The following IQCM variants were observed in gnomAD, a reference collection of about 807,000 sequenced individuals.
IQCM encodes IQ motif containing M, also known as IQ domain-containing protein M.
Under a neutral mutation model 57.6 loss-of-function variants are expected in IQCM, and 45 were observed. That is an observed-to-expected ratio of 0.78 (90% CI 0.62 to 1.00). The LOEUF (loss-of-function observed/expected upper bound fraction) is 1.00. Among genes scored for constraint, IQCM ranks in the 50% least tolerant of loss-of-function variants. The pLI, the probability that IQCM is intolerant of heterozygous loss-of-function variation, is 0.00. For synonymous variants in IQCM, 148 were observed against 158.9 expected, an observed-to-expected ratio of 0.93 and a Z score of 0.51; for missense variants, 468 against 511.6, an observed-to-expected ratio of 0.91 and a Z score of 0.82.
chr4:149,647,974 C>T (rs1758794271), intron 7 of IQCM, among the ~76,000 whole-genome samples: 1 of 152,122 alleles, frequency 6.6e-6, no homozygotes, highest in Non-Finnish European at 1.5e-5. Flanking sequence ...CTGGATAATT[C>T]ATTCCACTAG....
rs571625459 is a variant in IQCM at position 149,361,064 on chromosome 4, G to A, written c.1391-8998C>T. Among the ~76,000 whole-genome samples the A allele has an allele frequency of 2.6e-5, 4 of 152,280 alleles. No homozygotes were observed. In the South Asian group the frequency reaches 8.3e-4, roughly 32 times the overall value. The stretch of plus-strand genomic sequence containing the variant: ...GGAGATGAGGAAGCTGTTGGGAACT[G>A]GAGTAAAGGTGACTCTTGTTACATT... On this transcript the variant is annotated intron_variant, in intron 13 of 13. Coordinates refer to ENST00000636793, the MANE Select transcript of IQCM (RefSeq NM_001363507.2).
At chr4:149,356,176 T>G (rs1728963059) in intron 13 of IQCM, among the ~76,000 whole-genome samples, 1 of 152,220 alleles carries the variant, frequency 6.6e-6, no homozygotes, top group Non-Finnish European at 1.5e-5. Flanking sequence ...TGCAAAAATT[T>G]TCTCCCATTC....
At chr4:149,414,026 T>A (rs1307537103) in intron 13 of IQCM, among the ~76,000 whole-genome samples, 7 of 152,214 alleles carry the variant, frequency 4.6e-5, no homozygotes, top group African/African-American at 1.4e-4. Flanking sequence ...GTTCTAGTAT[T>A]AATGCAAAGT....
chr4:149,688,435 T>C (rs575040298), intron 5 of IQCM, among the ~76,000 whole-genome samples: 1 of 152,092 alleles, frequency 6.6e-6, no homozygotes, highest in South Asian at 2.1e-4. Context: ...TAAAAAACAC[T>C]GCTGAAAGAA....
At chr4:149,814,501 T>C (rs978706244) in intron 2 of IQCM, among the ~76,000 whole-genome samples, 15 of 152,048 alleles carry the variant, frequency 9.9e-5, no homozygotes, top group African/African-American at 3.6e-4. Context: ...TTCAAGATGC[T>C]CAAGGTGATA....
At chr4:149,582,347 T>G (rs1213704480) in intron 9 of IQCM, among the ~76,000 whole-genome samples, 5 of 45,242 alleles carry the variant, frequency 1.1e-4, no homozygotes, top group Admixed American at 6.7e-4. Flanking sequence ...TATATATATA[T>G]ATATATATAT....
intron 12 of IQCM, among the ~76,000 whole-genome samples, chr4:149,532,118 A>G (rs1368166705): frequency 6.6e-6 from 1 of 151,964 alleles, no homozygotes; most frequent in African/African-American, 2.4e-5. Context: ...GTGTGTCCTA[A>G]GTTCACAACA....
chr4:149,501,907 A>G (rs1279150986), intron 12 of IQCM, among the ~76,000 whole-genome samples: 1 of 152,144 alleles, frequency 6.6e-6, no homozygotes, highest in Non-Finnish European at 1.5e-5. Flanking sequence ...ACATCATCTG[A>G]AAGCTGGTTC....
chr4:149,739,625 T>C (rs1767268190), intron 3 of IQCM, among the ~76,000 whole-genome samples: 1 of 152,124 alleles, frequency 6.6e-6, no homozygotes, highest in Non-Finnish European at 1.5e-5. Flanking sequence ...GGATTCTTCA[T>C]GTTATTAAAG....
At position 149,517,114 on chromosome 4, in the gene IQCM, G is replaced by GAAAAAAA. The variant is rs34555374; in HGVS notation, c.1228+31334_1228+31340dup. Among the ~76,000 whole-genome samples, 2 of 83,896 alleles carry GAAAAAAA rather than the reference G, an allele frequency of 2.4e-5. 1 individual carries two copies. 55.0% of individuals were successfully genotyped at this position (83,896 alleles called of 152,430 possible). A position where few individuals can be genotyped will look rare whatever the true frequency, so the allele number is the denominator to read the frequency against. ...ATGAAGGTTTGGGTCACTCCACCAGGAAAAAAAAAAAAAAAAAAAAAGCCA... is the reference window on the plus strand; with the variant it reads ...ATGAAGGTTTGGGTCACTCCACCAGGAAAAAAAAAAAAAAAAAAAAAAAAAAAAGCCA... On this transcript the variant is annotated intron_variant, in intron 12 of 13. Transcript: ENST00000636793.
intron 8 of IQCM, among the ~76,000 whole-genome samples, chr4:149,618,162 A>T (rs1755964992): frequency 6.6e-6 from 1 of 152,202 alleles, no homozygotes; most frequent in Non-Finnish European, 1.5e-5. Context: ...AGATACATAC[A>T]TCAATGGAAG....
intron 13 of IQCM, among the ~76,000 whole-genome samples, chr4:149,400,162 A>G (rs1012071814): frequency 4.0e-5 from 6 of 151,050 alleles, no homozygotes; most frequent in African/African-American, 1.5e-4. Context: ...ATGAGAGAAG[A>G]GAATGTGAGT....
At chr4:149,470,358 G>C (rs1329774617) in intron 12 of IQCM, among the ~76,000 whole-genome samples, 1 of 150,530 alleles carries the variant, frequency 6.6e-6, no homozygotes, top group Non-Finnish European at 1.5e-5. Context: ...AACCAACAAA[G>C]ATCAAAGGAG....
At chr4:149,594,823 G>C (rs1287866617) in intron 8 of IQCM, among the ~76,000 whole-genome samples, 5 of 152,180 alleles carry the variant, frequency 3.3e-5, no homozygotes, top group African/African-American at 7.2e-5. Context: ...CTGAGAGACA[G>C]TTTGTTGTAA....
intron 12 of IQCM, among the ~76,000 whole-genome samples, chr4:149,531,173 A>G (rs530192903): frequency 1.3e-5 from 2 of 152,258 alleles, no homozygotes; most frequent in East Asian, 3.9e-4. Flanking sequence ...TTGTATGATA[A>G]GATTCTATGA....
chr4:149,512,505 T>C (rs1037001840), intron 12 of IQCM, among the ~76,000 whole-genome samples: 1 of 152,234 alleles, frequency 6.6e-6, no homozygotes, highest in Non-Finnish European at 1.5e-5. Flanking sequence ...TGGACAGCTT[T>C]TGACATTTTA....
At chr4:149,802,450 T>C (rs1773688231) in intron 2 of IQCM, among the ~76,000 whole-genome samples, 1 of 151,976 alleles carries the variant, frequency 6.6e-6, no homozygotes, top group Admixed American at 6.6e-5. Context: ...TATAGTTCAG[T>C]GATGTACAGC....
At chr4:149,782,510 T>C (rs1771699356) in intron 2 of IQCM, among the ~76,000 whole-genome samples, 1 of 151,496 alleles carries the variant, frequency 6.6e-6, no homozygotes, top group South Asian at 2.1e-4. Context: ...TTTGAGAGGC[T>C]GAGGTGGGAC....
chr4:149,544,062 A>G (rs1748140395), intron 12 of IQCM, among the ~76,000 whole-genome samples: 1 of 152,152 alleles, frequency 6.6e-6, no homozygotes, highest in Non-Finnish European at 1.5e-5. Flanking sequence ...TTACATTCTG[A>G]TTTACTCACA....
Sources: gnomAD v4.1 joint callset for allele counts (sites outside exome capture counted in the v4.1 genomes callset) on GRCh38, gnomAD v4.1.1 for gene constraint, MANE v1.5 for transcripts, NCBI Gene and HGNC (gene_info 2026-07-23, HGNC 2026-07-21) for gene names.